Variants in DOCK3 observed in about 807,000 individuals in gnomAD.
DOCK3 encodes dedicator of cytokinesis protein 3.
DOCK3 carries 60 observed loss-of-function variants against 265.6 expected under a neutral mutation model. That is an observed-to-expected ratio of 0.23 (90% confidence interval 0.18 to 0.28). The LOEUF (loss-of-function observed/expected upper bound fraction) is 0.28, where lower values mean the gene tolerates loss of function less well. DOCK3 is among the 10% of genes least tolerant of loss of function. The pLI, the probability that DOCK3 is intolerant of heterozygous loss-of-function variation, is 1.00. For missense variants in DOCK3, 1,981 were observed against 2,594.3 expected, an observed-to-expected ratio of 0.76 and a Z score of 5.14; for synonymous variants, 881 against 938.0, an observed-to-expected ratio of 0.94 and a Z score of 1.11.
At chr3:51,057,623 C>T (rs986625274) in intron 5 of DOCK3, among the ~76,000 whole-genome samples, 1 of 152,198 alleles carries the variant, frequency 6.6e-6, no homozygotes, top group African/African-American at 2.4e-5. Context: ...TGAATGTATG[C>T]TCTGGTGCTA....
chr3:51,141,010 A>G (rs879615665), intron 9 of DOCK3, among the ~76,000 whole-genome samples: 1 of 152,046 alleles, frequency 6.6e-6, no homozygotes, highest in Non-Finnish European at 1.5e-5. Context: ...TATGATTTAT[A>G]AATATTTTTG....
chr3:51,034,173 G>A (rs550481932), intron 5 of DOCK3, among the ~76,000 whole-genome samples: 46 of 152,084 alleles, frequency 3.0e-4, no homozygotes, highest in Admixed American at 1.4e-3. Context: ...TTTTGAGTTC[G>A]TATTGAAAGT....
intron 5 of DOCK3, among the ~76,000 whole-genome samples, chr3:51,060,116 A>T (rs916942449): frequency 6.6e-6 from 1 of 152,066 alleles, no homozygotes; most frequent in African/African-American, 2.4e-5. Flanking sequence ...TTGAACCTGC[A>T]CATTGTGCAC....
chr3:51,091,056 C>T (rs1576036677), intron 9 of DOCK3, among the ~76,000 whole-genome samples: 1 of 152,176 alleles, frequency 6.6e-6, no homozygotes, highest in African/African-American at 2.4e-5. Context: ...AATATTAATA[C>T]ACTATGCTTT....
chr3:50,881,890 A>G (rs1458686364), intron 3 of DOCK3, among the ~76,000 whole-genome samples: 1 of 152,190 alleles, frequency 6.6e-6, no homozygotes, highest in Non-Finnish European at 1.5e-5. Context: ...AGTAACCAAC[A>G]CAGCATGGTA....
chr3:51,070,112 C>A (rs894702361), intron 6 of DOCK3, among the ~76,000 whole-genome samples: 1 of 152,148 alleles, frequency 6.6e-6, no homozygotes, highest in Non-Finnish European at 1.5e-5. Flanking sequence ...ACTCTTTTGG[C>A]ATTTTTTGCT....
At chr3:51,236,540 C>A in intron 20 of DOCK3, 112 bp downstream of exon 20, 1 of 1,011,172 alleles carries the variant, frequency 9.9e-7, no homozygotes. Flanking sequence ...TAGATGTTTC[C>A]AATAGAAAAG....
intron 3 of DOCK3, among the ~76,000 whole-genome samples, chr3:50,882,810 A>G (rs529112827): frequency 7.5e-4 from 115 of 152,334 alleles, no homozygotes; most frequent in Admixed American, 1.4e-3. Flanking sequence ...ATAAAGACAC[A>G]TGCACACATA....
chr3:50,725,166 A>C (rs955143294), intron 1 of DOCK3, among the ~76,000 whole-genome samples: 12 of 152,224 alleles, frequency 7.9e-5, no homozygotes, highest in African/African-American at 2.7e-4. Context: ...AACAAGAAGA[A>C]TGAATAATAA....
At position 51,275,223 on chromosome 3, in the gene DOCK3, C is replaced by T. The variant is rs772119785; in HGVS notation, c.2676+17C>T. On this transcript the variant is annotated intron_variant, in intron 25 of 52. Coordinates refer to ENST00000266037, the MANE Select transcript of DOCK3 (RefSeq NM_004947.5). Reference sequence around the variant, plus strand: ...AGCTCTCTGGTAGTGGCCCCACACCCACTCCACCCTGTTCAGCTCTTCCCT... The same window carrying T: ...AGCTCTCTGGTAGTGGCCCCACACCTACTCCACCCTGTTCAGCTCTTCCCT... 8.1e-6 allele frequency: 13 copies of T among 1,613,604 alleles called. No homozygotes were observed. In the South Asian group the frequency reaches 1.3e-4, roughly 16 times the overall value.
Position 51,381,180 on chromosome 3 carries a change from C to T in DOCK3, c.5714C>T (p.Ser1905Leu), listed in dbSNP as rs201507848. Residue 1905 changes from serine to leucine, a missense_variant, in exon 53 of 53, where the codon TCG (serine) becomes TTG (leucine). By Grantham distance (145) the Ser-to-Leu change is moderately radical. Coordinates refer to ENST00000266037, the MANE Select transcript of DOCK3 (RefSeq NM_004947.5). This position sits in a 1 kb window ranked among gnomAD's most constrained non-coding sequence, Gnocchi z 5.6. The stretch of plus-strand genomic sequence containing the variant: ...AGTGAGAGTAACTTTGGGCACTCCT[C>T]GGAGGCCCCACCTCGCACTGACACC... The part of the protein sequence containing the change: ...SLSESNFGHS[S>L]EAPPRTDTMD... 597 of 1,613,892 alleles carry T rather than the reference C, an allele frequency of 3.7e-4. 1 individual carries two copies. The highest frequency in any genetic ancestry group is 6.5e-4 in the South Asian group (59 of 91,078).
intron 5 of DOCK3, among the ~76,000 whole-genome samples, chr3:50,991,748 C>G (rs144708302): frequency 1.3e-5 from 2 of 152,204 alleles, no homozygotes; most frequent in East Asian, 3.9e-4. Context: ...ATCTGATATA[C>G]CTTTACGAAA....
rs190858883 is a variant in DOCK3 at position 51,137,742 on chromosome 3, A to T, written c.747-8807A>T. ...CTTCATATGCTATTGTCTATAGTTC[A>T]TCATCATAAAAACAACTAAAGGTAG... On this transcript the variant is annotated intron_variant, in intron 9 of 52. Transcript: ENST00000266037. 3.3e-5 allele frequency among the ~76,000 whole-genome samples: 5 copies of T among 152,358 alleles called. No homozygotes were observed. In the East Asian group the frequency reaches 9.6e-4, roughly 29 times the overall value.
chr3:50,804,502 T>G (rs1158153207), intron 2 of DOCK3, among the ~76,000 whole-genome samples: 1 of 152,144 alleles, frequency 6.6e-6, no homozygotes, highest in Non-Finnish European at 1.5e-5. Context: ...CTTGGGAGGC[T>G]GAGGCTGGCG....
chr3:51,045,224 ATTAC>A lies in DOCK3; in HGVS notation c.316-19221_316-19218del, dbSNP rs780364223. On this transcript the variant is annotated intron_variant, in intron 5 of 52. Coordinates refer to ENST00000266037, the MANE Select transcript of DOCK3 (RefSeq NM_004947.5). ...ACACTTAGAGGCCCATTGTAGAGTT[ATTAC>A]TTGACCTAATTTTAGTATTATTTTG... Among the ~76,000 whole-genome samples, 25 of 152,226 alleles carry A rather than the reference ATTAC, an allele frequency of 1.6e-4. 1 individual carries two copies. Among genetic ancestry groups the A allele is most frequent in the East Asian group, 9.7e-4 (5 of 5,180 alleles).
At chr3:50,910,552 G>C (rs1252560775) in intron 4 of DOCK3, among the ~76,000 whole-genome samples, 3 of 152,130 alleles carry the variant, frequency 2.0e-5, no homozygotes, top group African/African-American at 7.2e-5. Context: ...TAGTGAACTG[G>C]TGGTGGGGCT....
At chr3:50,737,863 C>CAG (rs572025395) in intron 1 of DOCK3, among the ~76,000 whole-genome samples, 3 of 152,244 alleles carry the variant, frequency 2.0e-5, no homozygotes, top group African/African-American at 7.2e-5. Context: ...TAATATAAGA[C>CAG]AGTTATTTTG....
chr3:50,699,615 CTG>C (rs912244443), intron 1 of DOCK3, among the ~76,000 whole-genome samples: 1 of 152,040 alleles, frequency 6.6e-6, no homozygotes, highest in African/African-American at 2.4e-5. Context: ...TTTTAAGACT[CTG>C]TGTGTATTCC....
At chr3:51,138,845 T>A (rs1451643688) in intron 9 of DOCK3, among the ~76,000 whole-genome samples, 1 of 152,218 alleles carries the variant, frequency 6.6e-6, no homozygotes, top group East Asian at 1.9e-4. Context: ...TACTCATGTA[T>A]CTGTGAAGGC....
Sources: allele counts gnomAD v4.1 joint callset (sites outside exome capture counted in the v4.1 genomes callset), GRCh38; gene constraint gnomAD v4.1.1; non-coding constraint Gnocchi (gnomAD v3.1); transcripts MANE v1.5; gene names NCBI Gene and HGNC (gene_info 2026-07-23, HGNC 2026-07-21).